MICU1: variants seen among roughly 807,000 people sequenced by gnomAD.
MICU1 encodes calcium uptake protein 1, mitochondrial.
In MICU1, 45 loss-of-function variants were observed where a neutral mutation model predicts 56.8. That is an observed-to-expected ratio of 0.79 (90% CI 0.62 to 1.02). The LOEUF is 1.02. Ranked by LOEUF, MICU1 falls within the 50% of genes least tolerant of loss-of-function variation. The pLI, the probability that MICU1 is intolerant of heterozygous loss-of-function variation, is 0.00. For missense variants in MICU1, 504 were observed against 587.1 expected (o/e 0.86, Z 1.46); for synonymous variants, 186 against 195.1 (o/e 0.95, Z 0.39).
chr10:72,409,438 T>TG (rs1252349048), intron 9 of MICU1, among the ~76,000 whole-genome samples: 2 of 152,244 alleles, frequency 1.3e-5, no homozygotes, highest in African/African-American at 4.8e-5. Flanking sequence ...CTCATGCCTG[T>TG]AATCCCAGCA....
intron 8 of MICU1, among the ~76,000 whole-genome samples, chr10:72,453,560 G>A (rs1382748826): frequency 2.6e-5 from 4 of 151,806 alleles, no homozygotes; most frequent in Non-Finnish European, 5.9e-5. Context: ...ACAAACTTTT[G>A]CTCTTGTTGC....
intron 1 of MICU1, among the ~76,000 whole-genome samples, chr10:72,601,919 C>T (rs1037857728): frequency 6.6e-6 from 1 of 151,688 alleles, no homozygotes; most frequent in Non-Finnish European, 1.5e-5. Context: ...TCTGCCTCAG[C>T]CTCCTGAGTA....
rs1184002740 is a variant in MICU1 at position 72,448,161 on chromosome 10, GTATA to G, written c.934-24794_934-24791del. On this transcript the variant is annotated intron_variant, in intron 8 of 11. Transcript: ENST00000361114. Reference sequence around the variant, plus strand: ...TGTGTGTGTGTGTGTCTGTGTGTGTGTATATGTGTGTGTATATATATATATATAT... The same window carrying G: ...TGTGTGTGTGTGTGTCTGTGTGTGTGTGTGTGTGTATATATATATATATAT... Among the ~76,000 whole-genome samples the G allele has an allele frequency of 1.5e-3, 107 of 73,546 alleles. 1 individual carries two copies. The highest frequency in any genetic ancestry group is 8.5e-3 in the Middle Eastern group (1 of 118). 48.2% of individuals were successfully genotyped at this position (73,546 alleles called of 152,430 possible).
chr10:72,536,359 T>A lies in MICU1; in HGVS notation c.494-2570A>T, dbSNP rs533324684. ...ATAAGGTTAATTAATTAATTAATTA[T>A]TTTTTGAGATGGAGTCTCGCTTTGT... On this transcript the variant is annotated intron_variant, in intron 4 of 11. Coordinates refer to ENST00000361114, the MANE Select transcript of MICU1 (RefSeq NM_001195518.2). 9.1e-4 allele frequency among the ~76,000 whole-genome samples: 139 copies of A among 152,124 alleles called. 4 individuals carry two copies. The South Asian group carries it at 0.028, about 30-fold the overall frequency.
intron 1 of MICU1, among the ~76,000 whole-genome samples, chr10:72,600,152 C>T (rs892033071): frequency 6.6e-6 from 1 of 151,704 alleles, no homozygotes; most frequent in Non-Finnish European, 1.5e-5. Context: ...ATTAGCGGGA[C>T]ATGATGGTGG....
chr10:72,376,868 C>A (rs1862539343), intron 10 of MICU1, among the ~76,000 whole-genome samples: 1 of 150,922 alleles, frequency 6.6e-6, no homozygotes, highest in East Asian at 1.9e-4. Flanking sequence ...ACATTTTATG[C>A]CATATATATT....
At chr10:72,535,406 G>A (rs969397271) in intron 4 of MICU1, among the ~76,000 whole-genome samples, 6 of 152,050 alleles carry the variant, frequency 3.9e-5, no homozygotes, top group South Asian at 2.1e-4. Flanking sequence ...AAAGGACAGC[G>A]GGATAGAAAA....
intron 10 of MICU1, among the ~76,000 whole-genome samples, chr10:72,393,249 T>G (rs1863138063): frequency 6.6e-6 from 1 of 152,038 alleles, no homozygotes; most frequent in African/African-American, 2.4e-5. Context: ...TCTAGTAAGG[T>G]GCAACAAATA....
chr10:72,598,964 T>C (rs916028052), intron 1 of MICU1, among the ~76,000 whole-genome samples: 7 of 152,196 alleles, frequency 4.6e-5, no homozygotes, highest in Admixed American at 1.3e-4. Flanking sequence ...CACTGATATT[T>C]CTCAAGACTA....
At chr10:72,473,219 T>C (rs1240868067) in intron 8 of MICU1, 1 of 151,998 alleles carries the variant, frequency 6.6e-6, no homozygotes, top group African/African-American at 2.4e-5. Flanking sequence ...TAAAAACAAG[T>C]AAGATAGTCA....
At chr10:72,606,174 T>C (rs1473100577) in intron 1 of MICU1, among the ~76,000 whole-genome samples, 2 of 150,746 alleles carry the variant, frequency 1.3e-5, no homozygotes, top group African/African-American at 2.4e-5. Flanking sequence ...TACATAACTA[T>C]GTAAACCTAA....
chr10:72,467,867 T>C (rs560786856), intron 8 of MICU1: 2 of 150,450 alleles, frequency 1.3e-5, no homozygotes, highest in African/African-American at 4.9e-5. Context: ...CGCCCTGGAG[T>C]GCAATGGCAT....
At position 72,446,850 on chromosome 10, in the gene MICU1, A is replaced by G. The variant is rs1250250078; in HGVS notation, c.934-23479T>C. Among the ~76,000 whole-genome samples, 5 of 152,346 alleles carry G rather than the reference A, an allele frequency of 3.3e-5. No individual in the cohort carries two copies. The South Asian group carries it at 6.2e-4, about 19-fold the overall frequency. ...GCTATTAATAATGATAGTAAGAACAATGAACAAAAGCTGCAAGTAATAAGT... is the reference window on the plus strand; with the variant it reads ...GCTATTAATAATGATAGTAAGAACAGTGAACAAAAGCTGCAAGTAATAAGT... On this transcript the variant is annotated intron_variant, in intron 8 of 11. Coordinates refer to ENST00000361114, the MANE Select transcript of MICU1 (RefSeq NM_001195518.2).
At chr10:72,615,968 G>C (rs1048729993) in intron 1 of MICU1, among the ~76,000 whole-genome samples, 5 of 151,604 alleles carry the variant, frequency 3.3e-5, no homozygotes, top group African/African-American at 1.2e-4. Flanking sequence ...CAGCCTGGGC[G>C]ACAGAGCGAG....
At chr10:72,482,328 T>C (rs1247160384) in intron 6 of MICU1, among the ~76,000 whole-genome samples, 1 of 152,252 alleles carries the variant, frequency 6.6e-6, no homozygotes, top group African/African-American at 2.4e-5. Context: ...ACAAGTTTCT[T>C]ATTTTCTATT....
At chr10:72,548,987 G>A (rs1001738723) in intron 4 of MICU1, among the ~76,000 whole-genome samples, 9 of 152,070 alleles carry the variant, frequency 5.9e-5, no homozygotes, top group East Asian at 1.9e-4. Flanking sequence ...ATGAGCTACC[G>A]CACCTGGCCA....
At chr10:72,571,162 G>A (rs1239178542) in intron 1 of MICU1, among the ~76,000 whole-genome samples, 1 of 152,144 alleles carries the variant, frequency 6.6e-6, no homozygotes, top group Non-Finnish European at 1.5e-5. Context: ...TCAGGAGTTC[G>A]AGACCAGCCT....
chr10:72,566,039 C>CTTTTTTTTTTTTTTTTTTTTTTTTTTT (rs11376019), intron 2 of MICU1, among the ~76,000 whole-genome samples: 2 of 69,838 alleles, frequency 2.9e-5, no homozygotes, highest in Non-Finnish European at 5.2e-5. Context: ...CATTCATTTT[C>CTTTTTTTTTTTTTTTTTTTTTTTTTTT]TTTTTTTTTT....
At chr10:72,395,287 A>G (rs897919845) in intron 10 of MICU1, among the ~76,000 whole-genome samples, 3 of 152,064 alleles carry the variant, frequency 2.0e-5, no homozygotes, top group South Asian at 2.1e-4. Context: ...CATCTCTACT[A>G]AAAAATACAA....
Sources: allele counts gnomAD v4.1 joint callset (sites outside exome capture counted in the v4.1 genomes callset), GRCh38; gene constraint gnomAD v4.1.1; transcripts MANE v1.5; gene names NCBI Gene and HGNC (gene_info 2026-07-23, HGNC 2026-07-21).